ADAM18: variants seen among roughly 807,000 people sequenced by gnomAD.
ADAM18 encodes ADAM metallopeptidase domain 18, also known as disintegrin and metalloproteinase domain-containing protein 18.
A neutral mutation model predicts 94.4 loss-of-function variants in ADAM18; 117 were observed. The observed-to-expected ratio is 1.24, with a 90% CI of 1.07 to 1.45. The LOEUF (loss-of-function observed/expected upper bound fraction) is 1.45. ADAM18 is among the 40% of genes most tolerant of loss of function. The pLI, the probability that ADAM18 is intolerant of heterozygous loss-of-function variation, is 0.00. For synonymous variants in ADAM18, 327 were observed against 291.6 expected (o/e 1.12, Z -1.24); for missense variants, 936 against 880.0 (o/e 1.06, Z -0.81).
In ADAM18 at chr8:39,677,465, A is replaced by C; in HGVS notation, c.1560A>C (p.Glu520Asp). Residue 520 changes from glutamate (E) to aspartate (D), a missense_variant, in exon 15 of 20, where the codon GAA becomes GAC. By Grantham distance (45) the Glu-to-Asp change is conservative. Coordinates refer to ENST00000265707, the MANE Select transcript of ADAM18 (RefSeq NM_014237.3). ...GTGCTCCATTTGCCTGTTTTAAAGA[A>C]GTTAATTCTCTGCATGAAAGATCTG... Reference protein sequence around the residue: ...AQGAPFACFKEVNSLHERSEN... With the variant: ...AQGAPFACFKDVNSLHERSEN... 6.2e-7 allele frequency: 1 copy of C among 1,610,190 alleles called. No homozygotes were observed. The highest frequency in any genetic ancestry group is 8.5e-7 in the Non-Finnish European group (1 of 1,179,180).
At chr8:39,642,506 T>C (rs989174262) in intron 10 of ADAM18, among the ~76,000 whole-genome samples, 4 of 151,992 alleles carry the variant, frequency 2.6e-5, no homozygotes, top group Non-Finnish European at 4.4e-5. Flanking sequence ...ATTTATTAAA[T>C]AGAGAATTCT....
intron 17 of ADAM18, among the ~76,000 whole-genome samples, chr8:39,702,558 G>A (rs943044642): frequency 4.6e-5 from 7 of 151,884 alleles, no homozygotes; most frequent in South Asian, 2.1e-4. Context: ...AATCTTTTCC[G>A]GTGCCTATGT....
intron 2 of ADAM18, among the ~76,000 whole-genome samples, chr8:39,604,915 A>G (rs888392343): frequency 6.6e-6 from 1 of 151,492 alleles, no homozygotes; most frequent in Non-Finnish European, 1.5e-5. Flanking sequence ...GTACCTCAGA[A>G]GTTAGATAGA....
intron 2 of ADAM18, among the ~76,000 whole-genome samples, chr8:39,596,070 G>T (rs1446602262): frequency 6.6e-6 from 1 of 152,026 alleles, no homozygotes; most frequent in Non-Finnish European, 1.5e-5. Flanking sequence ...GCAATATTAG[G>T]TTCAGAGAAA....
At position 39,643,440 on chromosome 8, in the gene ADAM18, T is replaced by G. The variant is rs185266112; in HGVS notation, c.910-1898T>G. 7.9e-4 allele frequency among the ~76,000 whole-genome samples: 120 copies of G among 152,250 alleles called. 1 individual carries two copies. The highest frequency in any genetic ancestry group is 2.8e-3 in the African/African-American group (116 of 41,550). On this transcript the variant is annotated intron_variant, in intron 10 of 19. Coordinates refer to ENST00000265707, the MANE Select transcript of ADAM18 (RefSeq NM_014237.3). ...CCTTTTCCTCACTATGTAATGTATC[T>G]TCCCCATTCCTGGGCACTTTTAAGA...
rs1386384333 is a variant in ADAM18 at position 39,715,754 on chromosome 8, T to G, written c.2018-7994T>G. Among the ~76,000 whole-genome samples, 3 of 152,192 alleles carry G rather than the reference T, an allele frequency of 2.0e-5. No homozygotes were observed. The East Asian group carries it at 5.8e-4, about 29-fold the overall frequency. On this transcript the variant is annotated intron_variant, in intron 18 of 19. Coordinates refer to ENST00000265707, the MANE Select transcript of ADAM18 (RefSeq NM_014237.3). Reference sequence around the variant, plus strand: ...CAAAACTCACACAAGATGAAACAGATAATTCTAATAGGCCTATACATACTA... The same window carrying G: ...CAAAACTCACACAAGATGAAACAGAGAATTCTAATAGGCCTATACATACTA...
chr8:39,645,234 A>T, intron 10 of ADAM18, 104 bp from the exon 11 acceptor site: 1 of 977,808 alleles, frequency 1.0e-6, no homozygotes, highest in East Asian at 2.7e-5. Context: ...TATGCTTAAC[A>T]TAAGAAGTAT....
rs948239916 is a variant in ADAM18, at chr8:39,693,021, A to G, written c.1902+341A>G. Among the ~76,000 whole-genome samples, 81 of 151,648 alleles carry G rather than the reference A, an allele frequency of 5.3e-4. 1 individual carries two copies. The highest frequency in any genetic ancestry group is 1.9e-3 in the African/African-American group (77 of 41,414). ...GAGTATACAATATTTTACAGAGTAT[A>G]CTTAAAAACACGTTGACATATCAGG... is the stretch of plus-strand genomic sequence containing the variant. On this transcript the variant is annotated intron_variant, in intron 17 of 19. Coordinates refer to ENST00000265707, the MANE Select transcript of ADAM18 (RefSeq NM_014237.3).
Position 39,596,575 on chromosome 8 carries a change from C to T in ADAM18, c.133-9732C>T, listed in dbSNP as rs138260460. Among the ~76,000 whole-genome samples the T allele has an allele frequency of 7.1e-3, 1,087 of 152,290 alleles. 13 individuals carry two copies. Among genetic ancestry groups the T allele is most frequent in the African/African-American group, 0.025 (1,027 of 41,558 alleles). On this transcript the variant is annotated intron_variant, in intron 2 of 19. Coordinates refer to ENST00000265707, the MANE Select transcript of ADAM18 (RefSeq NM_014237.3). ...ACCACAGTTTATTTATGTATACCTA[C>T]TGAAGGATGTGTTGGCTGCTTCTAA...
chr8:39,646,255 T>C (rs534424015), intron 11 of ADAM18, among the ~76,000 whole-genome samples: 205 of 152,288 alleles, frequency 1.3e-3, no homozygotes, highest in South Asian at 3.5e-3. Flanking sequence ...CATGATTGTC[T>C]ACCTTGGTGC....
chr8:39,645,183 G>A lies in ADAM18; in HGVS notation c.910-155G>A, dbSNP rs77708236. On this transcript the variant is annotated intron_variant, in intron 10 of 19. Coordinates refer to ENST00000265707, the MANE Select transcript of ADAM18 (RefSeq NM_014237.3). ...TCATGCTTCTTAATCAATAAATTACGGCAGATAAATAAATGGCATACCAAA... is the reference window on the plus strand; with the variant it reads ...TCATGCTTCTTAATCAATAAATTACAGCAGATAAATAAATGGCATACCAAA... Among the ~76,000 whole-genome samples, 1,006 of 151,958 alleles carry A rather than the reference G, an allele frequency of 6.6e-3. 5 individuals carry two copies. The highest frequency in any genetic ancestry group is 0.011 in the Non-Finnish European group (732 of 67,952).
chr8:39,725,823 G>A (rs868807267), intron 19 of ADAM18, among the ~76,000 whole-genome samples: 2 of 152,078 alleles, frequency 1.3e-5, no homozygotes, highest in African/African-American at 4.8e-5. Flanking sequence ...TGGAAGTGCG[G>A]ATATCTCTTC....
intron 7 of ADAM18, among the ~76,000 whole-genome samples, chr8:39,636,793 T>G (rs10108685): frequency 0.039 from 5,860 of 151,670 alleles, 385 homozygotes; most frequent in African/African-American, 0.13. Context: ...CTCCCCACAC[T>G]CAGCCCTCTG....
rs1315354042 is a variant in ADAM18 at position 39,668,117 on chromosome 8, G to A, written c.1446G>A (p.Leu482=). 1.9e-6 allele frequency: 3 copies of A among 1,613,958 alleles called. No homozygotes were observed. The African/African-American group carries it at 4.0e-5, about 22-fold the overall frequency. Residue 482 remains leucine (L), a synonymous_variant, in exon 14 of 20, where the codon TTG becomes TTA. Coordinates refer to ENST00000265707, the MANE Select transcript of ADAM18 (RefSeq NM_014237.3). ...ACACTTATGCATTGAATGGCCGTTT[G>A]TGCAAGTTGGGAACTGCCTATTGCT... ...VPDTYALNGR[L]CKLGTAYCYN...
intron 1 of ADAM18, 22 bp from the exon 2 acceptor site, chr8:39,585,254 C>T: frequency 6.3e-7 from 1 of 1,599,088 alleles, no homozygotes; most frequent in Non-Finnish European, 8.6e-7. Context: ...AAGACAAAAA[C>T]AAACACATTT....
At chr8:39,663,598 C>CAAAAAAAAAAA (rs10597769) in intron 12 of ADAM18, among the ~76,000 whole-genome samples, 197 bp from the exon 13 acceptor site, 37 of 19,576 alleles carry the variant, frequency 1.9e-3, no homozygotes, top group Admixed American at 2.7e-3. Context: ...AATCCTGTCT[C>CAAAAAAAAAAA]AAAAAAAAAA....
At chr8:39,672,293 G>A (rs1821178293) in intron 14 of ADAM18, among the ~76,000 whole-genome samples, 1 of 152,162 alleles carries the variant, frequency 6.6e-6, no homozygotes. Flanking sequence ...GGCTTCCTCT[G>A]CAGGTCAGAG....
chr8:39,679,500 G>T (rs1463118328), intron 15 of ADAM18, among the ~76,000 whole-genome samples: 3 of 152,152 alleles, frequency 2.0e-5, no homozygotes, highest in African/African-American at 7.2e-5. Flanking sequence ...GGATCTAAAA[G>T]TTCTTAAATT....
At chr8:39,726,728 A>G (rs1390155083) in intron 19 of ADAM18, among the ~76,000 whole-genome samples, 1 of 152,144 alleles carries the variant, frequency 6.6e-6, no homozygotes, top group Non-Finnish European at 1.5e-5. Context: ...GGAAAGTCAG[A>G]TAAACAACTT....
Sources: allele counts gnomAD v4.1 joint callset (sites outside exome capture counted in the v4.1 genomes callset), GRCh38; gene constraint gnomAD v4.1.1; transcripts MANE v1.5; gene names NCBI Gene and HGNC (gene_info 2026-07-23, HGNC 2026-07-21).